Variants in GRIA3 observed in about 807,000 individuals in gnomAD.
GRIA3 encodes the protein glutamate receptor 3.
GRIA3 carries 3 observed loss-of-function variants against 63.0 expected under a neutral mutation model. The ratio of observed to expected loss-of-function variants is 0.05; its 90% CI spans 0.02 to 0.12. The LOEUF (loss-of-function observed/expected upper bound fraction) is 0.12, where lower values mean the gene tolerates loss of function less well. Ranked by LOEUF, GRIA3 falls within the 10% of genes least tolerant of loss-of-function variation. The pLI, the probability that GRIA3 is intolerant of heterozygous loss-of-function variation, is 1.00. For synonymous variants in GRIA3, 274 were observed against 257.9 expected, an observed-to-expected ratio of 1.06 and a Z score of -0.60; for missense variants, 347 against 700.9, an observed-to-expected ratio of 0.50 and a Z score of 5.70.
intron 3 of GRIA3, among the ~76,000 whole-genome samples, chrX:123,275,746 T>C (rs959255426): frequency 1.8e-5 from 2 of 112,267 alleles, no homozygotes; most frequent in African/African-American, 6.5e-5. Flanking sequence ...GACCTTGATC[T>C]GTTAAGTTGG....
At chrX:123,421,900 A>G (rs2045565959) in intron 11 of GRIA3, among the ~76,000 whole-genome samples, 1 of 112,261 alleles carries the variant, frequency 8.9e-6, no homozygotes, top group African/African-American at 3.2e-5. Context: ...CTCCAATTCC[A>G]AAACATGCTC....
chrX:123,398,545 T>G, intron 6 of GRIA3, 91 bp from the exon 7 acceptor site: 1 of 711,914 alleles, frequency 1.4e-6, no homozygotes, highest in Non-Finnish European at 2.2e-6. Context: ...CATAGAACAA[T>G]AGGTAGAAAT....
At chrX:123,402,855 C>T (rs1165901149) in intron 7 of GRIA3, 139 bp from the exon 8 acceptor site, 3 of 435,349 alleles carry the variant, frequency 6.9e-6, no homozygotes, top group Non-Finnish European at 1.3e-5. Context: ...TGTATAGACT[C>T]GATCTGGTGG....
chrX:123,490,241 C>T lies in GRIA3; in HGVS notation c.*1531C>T, dbSNP rs2045962127. The T allele has an allele frequency of 8.9e-6, 1 of 112,827 alleles. No homozygotes were observed. The highest frequency in any genetic ancestry group is 9.4e-5 in the Admixed American group (1 of 10,626). 9.3% of individuals were successfully genotyped at this position (112,827 alleles called of 1,213,427 possible). A position where few individuals can be genotyped will look rare whatever the true frequency, so the allele number is the denominator to read the frequency against. On this transcript the variant is annotated 3_prime_UTR_variant, in exon 16 of 16. Coordinates refer to ENST00000620443, the MANE Select transcript of GRIA3 (RefSeq NM_007325.5). ...GCTTAGTTGACTCGCTGCATATTTG[C>T]TCTTGTCTTCAGAAAAGAAAGGAAG...
rs760406157 is a variant in GRIA3, at chrX:123,359,563, G to A, written c.750+4600G>A. On this transcript the variant is annotated intron_variant, in intron 5 of 15. Transcript: ENST00000620443. ...ACTAAAGCTTTAAAATCAGTCCAAG[G>A]GGGCAAAAACCAAGATAGATATGAG... Among the ~76,000 whole-genome samples the A allele has an allele frequency of 2.7e-5, 3 of 111,113 alleles. No homozygotes were observed. The Admixed American group carries it at 2.9e-4, about 11-fold the overall frequency.
At chrX:123,350,502 C>G (rs1055422070) in intron 4 of GRIA3, among the ~76,000 whole-genome samples, 1 of 111,964 alleles carries the variant, frequency 8.9e-6, no homozygotes, top group East Asian at 2.8e-4. Context: ...TCTTGTGGAG[C>G]AATTTCATTT....
chrX:123,332,996 C>T (rs1281271227), intron 4 of GRIA3, among the ~76,000 whole-genome samples: 1 of 111,258 alleles, frequency 9.0e-6, no homozygotes, highest in Non-Finnish European at 1.9e-5. Context: ...TCTCTGTGTC[C>T]TCCATGACAT....
chrX:123,302,547 G>A (rs892758554), intron 3 of GRIA3, among the ~76,000 whole-genome samples: 1 of 111,134 alleles, frequency 9.0e-6, no homozygotes, highest in African/African-American at 3.3e-5. Flanking sequence ...CCTCTCTCTG[G>A]ATCTCGATTC....
At chrX:123,409,722 A>C (rs1190237914) in intron 10 of GRIA3, among the ~76,000 whole-genome samples, 4 of 111,684 alleles carry the variant, frequency 3.6e-5, no homozygotes, top group Non-Finnish European at 5.6e-5. Context: ...CCTTAATCCT[A>C]CCTTACCATT....
intron 13 of GRIA3, among the ~76,000 whole-genome samples, chrX:123,473,035 A>G: frequency 8.9e-6 from 1 of 112,811 alleles, no homozygotes; most frequent in East Asian, 2.8e-4. Context: ...ACTGCAAATC[A>G]TTGTAGCTGC....
intron 12 of GRIA3, among the ~76,000 whole-genome samples, chrX:123,450,141 T>C (rs1225238777): frequency 1.8e-5 from 2 of 111,987 alleles, no homozygotes; most frequent in Non-Finnish European, 3.8e-5. Flanking sequence ...GAGATAATTA[T>C]TAGAGTCTTA....
intron 4 of GRIA3, among the ~76,000 whole-genome samples, chrX:123,341,319 C>T (rs1041910641): frequency 5.4e-5 from 6 of 112,055 alleles, no homozygotes; most frequent in African/African-American, 1.9e-4. Context: ...CTCCACATTG[C>T]GTTATGATTT....
chrX:123,319,334 G>C (rs926926461), intron 3 of GRIA3, among the ~76,000 whole-genome samples: 7 of 112,225 alleles, frequency 6.2e-5, no homozygotes, highest in African/African-American at 2.3e-4. Context: ...TTTGCACAAT[G>C]ACAAAGTCAC....
intron 8 of GRIA3, 131 bp downstream of exon 8, chrX:123,403,229 G>A: frequency 1.7e-6 from 1 of 586,445 alleles, no homozygotes; most frequent in Non-Finnish European, 3.0e-6. Context: ...CCTCCAGGAT[G>A]AAGGAATAGC....
At chrX:123,365,282 A>G (rs1327832254) in intron 5 of GRIA3, among the ~76,000 whole-genome samples, 1 of 111,727 alleles carries the variant, frequency 9.0e-6, no homozygotes, top group Non-Finnish European at 1.9e-5. Flanking sequence ...GAAAGGAAAG[A>G]AAAGAAAATG....
intron 3 of GRIA3, among the ~76,000 whole-genome samples, chrX:123,318,807 C>A (rs2147328011): frequency 8.9e-6 from 1 of 111,921 alleles, no homozygotes; most frequent in Non-Finnish European, 1.9e-5. Context: ...TTTTGGGTAT[C>A]TTTTCAGCAA....
At chrX:123,448,116 A>G (rs369961421) in intron 12 of GRIA3, among the ~76,000 whole-genome samples, 2 of 112,484 alleles carry the variant, frequency 1.8e-5, no homozygotes, top group African/African-American at 3.2e-5. Flanking sequence ...TTTTTGAAAT[A>G]AAGTATGGTT....
At chrX:123,354,559 C>A (rs1183497498) in intron 4 of GRIA3, among the ~76,000 whole-genome samples, 1 of 111,361 alleles carries the variant, frequency 9.0e-6, no homozygotes, top group African/African-American at 3.3e-5. Flanking sequence ...ACTTTGTATG[C>A]AAAGTTCAGC....
intron 12 of GRIA3, among the ~76,000 whole-genome samples, chrX:123,459,144 C>A (rs2147426233): frequency 9.0e-6 from 1 of 111,547 alleles, no homozygotes; most frequent in South Asian, 3.8e-4. Context: ...AAAATCATCC[C>A]ATTTTATGGG....
Sources: allele counts gnomAD v4.1 joint callset (sites outside exome capture counted in the v4.1 genomes callset), GRCh38; gene constraint gnomAD v4.1.1; transcripts MANE v1.5; gene names NCBI Gene and HGNC (gene_info 2026-07-23, HGNC 2026-07-21).